The following CHST11 variants were observed in gnomAD, a reference collection of about 807,000 sequenced individuals.
The protein encoded by CHST11 is carbohydrate sulfotransferase 11, also known as C4S-1.
A neutral mutation model predicts 30.4 loss-of-function variants in CHST11; 9 were observed. That is an observed-to-expected ratio of 0.30 (90% CI 0.18 to 0.52). The LOEUF (loss-of-function observed/expected upper bound fraction) is 0.52. Ranked by LOEUF, CHST11 falls within the 20% of genes least tolerant of loss-of-function variation. The probability of loss-of-function intolerance (pLI) is 0.97; values close to 1 mark genes in which losing one functional copy is unlikely to be tolerated. For synonymous variants in CHST11, 152 were observed against 187.8 expected, an observed-to-expected ratio of 0.81 and a Z score of 1.56; for missense variants, 348 against 460.6, an observed-to-expected ratio of 0.76 and a Z score of 2.24.
intron 2 of CHST11, among the ~76,000 whole-genome samples, chr12:104,650,641 C>T (rs2039482011): frequency 6.6e-6 from 1 of 152,172 alleles, no homozygotes; most frequent in Admixed American, 6.5e-5. Context: ...CATGTGTTCA[C>T]AAAGTCTCCA....
At chr12:104,566,761 A>G (rs548897369) in intron 1 of CHST11, among the ~76,000 whole-genome samples, 4 of 152,290 alleles carry the variant, frequency 2.6e-5, no homozygotes, top group Non-Finnish European at 4.4e-5. Flanking sequence ...CTACAGGTAC[A>G]TACACCTCCC....
chr12:104,643,670 A>T (rs1440531076), intron 2 of CHST11, among the ~76,000 whole-genome samples: 1 of 151,770 alleles, frequency 6.6e-6, no homozygotes, highest in Non-Finnish European at 1.5e-5. Flanking sequence ...AGTTCTCATG[A>T]CTTTTTTTTG....
chr12:104,614,573 A>G (rs1327974803), intron 2 of CHST11, among the ~76,000 whole-genome samples: 1 of 152,160 alleles, frequency 6.6e-6, no homozygotes, highest in Non-Finnish European at 1.5e-5. Flanking sequence ...ATGATGTCCT[A>G]TATGAGTTTA....
At chr12:104,648,629 G>C (rs993099815) in intron 2 of CHST11, among the ~76,000 whole-genome samples, 1 of 152,072 alleles carries the variant, frequency 6.6e-6, no homozygotes, top group Non-Finnish European at 1.5e-5. Flanking sequence ...GGCTAACATG[G>C]AGAAACCCCA....
At chr12:104,597,400 C>G (rs1484691058) in intron 1 of CHST11, among the ~76,000 whole-genome samples, 1 of 152,076 alleles carries the variant, frequency 6.6e-6, no homozygotes, top group Non-Finnish European at 1.5e-5. Context: ...CAGCAGAAGC[C>G]TGCCGTTAAA....
chr12:104,611,736 G>A (rs2039061360), intron 2 of CHST11, among the ~76,000 whole-genome samples: 1 of 152,222 alleles, frequency 6.6e-6, no homozygotes. Flanking sequence ...TCCGATTCAT[G>A]CTGATGCCCG....
intron 1 of CHST11, among the ~76,000 whole-genome samples, chr12:104,512,787 A>C (rs2135982280): frequency 6.6e-6 from 1 of 152,214 alleles, no homozygotes; most frequent in African/African-American, 2.4e-5. Context: ...GAGTAAACCA[A>C]ATACTACCAA....
intron 2 of CHST11, among the ~76,000 whole-genome samples, chr12:104,641,327 T>C (rs1417495344): frequency 1.3e-5 from 2 of 152,192 alleles, no homozygotes; most frequent in African/African-American, 4.8e-5. Context: ...AATCTGTCCA[T>C]GGATGGCAAA....
chr12:104,545,834 TC>T (rs1432195620), intron 1 of CHST11, among the ~76,000 whole-genome samples: 16 of 89,850 alleles, frequency 1.8e-4, no homozygotes, highest in African/African-American at 3.4e-4. Flanking sequence ...TCTCTGTCTC[TC>T]TTTTTTTAAA....
chr12:104,461,187 T>C (rs1250976211), intron 1 of CHST11, among the ~76,000 whole-genome samples: 2 of 152,156 alleles, frequency 1.3e-5, no homozygotes, highest in African/African-American at 4.8e-5. Context: ...GCTTTCACCG[T>C]GACCTAAATT....
intron 2 of CHST11, among the ~76,000 whole-genome samples, chr12:104,707,208 G>T (rs953313761): frequency 7.7e-4 from 117 of 152,216 alleles, no homozygotes; most frequent in African/African-American, 2.7e-3. Context: ...TGTTTTCCAA[G>T]AATCTAGAAA....
At chr12:104,603,308 T>TGTTGATATCCTCTGTTCTCA (rs2038974490) in intron 2 of CHST11, among the ~76,000 whole-genome samples, 1 of 152,334 alleles carries the variant, frequency 6.6e-6, no homozygotes, top group African/African-American at 2.4e-5. Context: ...CCCTTCTTTT[T>TGTTGATATCCTCTGTTCTCA]GTTGATATCC....
chr12:104,604,442 G>A (rs907627692), intron 2 of CHST11, among the ~76,000 whole-genome samples: 6 of 152,186 alleles, frequency 3.9e-5, no homozygotes, highest in Non-Finnish European at 7.3e-5. Flanking sequence ...TTTACAAGCT[G>A]CAATTATGTT....
At chr12:104,606,557 A>G (rs1273689340) in intron 2 of CHST11, among the ~76,000 whole-genome samples, 1 of 152,158 alleles carries the variant, frequency 6.6e-6, no homozygotes, top group East Asian at 1.9e-4. Context: ...TGTGCCAATC[A>G]CACAGCTCCT....
intron 1 of CHST11, among the ~76,000 whole-genome samples, chr12:104,546,579 T>C (rs1323131479): frequency 6.6e-6 from 1 of 152,022 alleles, no homozygotes; most frequent in East Asian, 1.9e-4. Flanking sequence ...TTTGCTTCAA[T>C]ATGGATGGAA....
At chr12:104,709,431 C>T (rs1404642295) in intron 2 of CHST11, among the ~76,000 whole-genome samples, 3 of 152,216 alleles carry the variant, frequency 2.0e-5, no homozygotes, top group Non-Finnish European at 4.4e-5. Flanking sequence ...GGGACAGGCA[C>T]TGTCCTCATA....
intron 2 of CHST11, among the ~76,000 whole-genome samples, chr12:104,662,994 T>C (rs1447219457): frequency 6.6e-6 from 1 of 152,248 alleles, no homozygotes; most frequent in Non-Finnish European, 1.5e-5. Context: ...ATTTATTTAA[T>C]GTGATTTGGT....
Position 104,755,679 on chromosome 12 carries a change from G to A in CHST11, c.205-1270G>A, listed in dbSNP as rs926577764. On this transcript the variant is annotated intron_variant, in intron 2 of 2. Transcript: ENST00000303694. Reference sequence around the variant, plus strand: ...TGCGTGCCTGTAATCCCAGCTACTCGGGGGGCTGAGGCAGGAGAATTGCTT... The same window carrying A: ...TGCGTGCCTGTAATCCCAGCTACTCAGGGGGCTGAGGCAGGAGAATTGCTT... 6.6e-5 allele frequency among the ~76,000 whole-genome samples: 10 copies of A among 152,150 alleles called. No individual in the cohort carries two copies. The South Asian group carries it at 1.9e-3, about 28-fold the overall frequency.
chr12:104,573,379 CA>C (rs2038649427), intron 1 of CHST11, among the ~76,000 whole-genome samples: 2 of 151,920 alleles, frequency 1.3e-5, no homozygotes, highest in African/African-American at 4.8e-5. Flanking sequence ...CATATGGAAC[CA>C]AAAAAGAGCC....
Sources: gnomAD v4.1 joint callset for allele counts (sites outside exome capture counted in the v4.1 genomes callset) on GRCh38, gnomAD v4.1.1 for gene constraint, MANE v1.5 for transcripts, NCBI Gene and HGNC (gene_info 2026-07-23, HGNC 2026-07-21) for gene names.